The following ZNF787 variants were observed in gnomAD, a reference collection of about 807,000 sequenced individuals.
The protein encoded by ZNF787 is TTF-I-interacting peptide 20.
ZNF787 carries 7 observed loss-of-function variants against 16.9 expected under a neutral mutation model. That is an observed-to-expected ratio of 0.42 (90% CI 0.24 to 0.78). The LOEUF is 0.78. ZNF787 is among the 30% of genes least tolerant of loss of function. ZNF787 has a pLI of 0.30. For synonymous variants in ZNF787, 345 were observed against 270.9 expected (o/e 1.27, Z -2.69); for missense variants, 551 against 589.3 (o/e 0.94, Z 0.67).
chr19:56,092,044 AAG>A (rs1985620212), intron 2 of ZNF787, among the ~76,000 whole-genome samples: 2 of 128,834 alleles, frequency 1.6e-5, no homozygotes, highest in African/African-American at 2.9e-5. Flanking sequence ...GCCGAAGCCG[AAG>A]CCTCACCCTC....
intron 1 of ZNF787, among the ~76,000 whole-genome samples, chr19:56,110,980 C>A (rs1266226004): frequency 6.6e-6 from 1 of 152,218 alleles, no homozygotes; most frequent in Non-Finnish European, 1.5e-5. Flanking sequence ...GAGGGGCTGA[C>A]CCCGGGCGGG....
chr19:56,096,290 G>T (rs1985871132), intron 2 of ZNF787, among the ~76,000 whole-genome samples: 1 of 151,818 alleles, frequency 6.6e-6, no homozygotes, highest in Non-Finnish European at 1.5e-5. Flanking sequence ...GTGGTGGCGT[G>T]TGCCTGGAGT....
At chr19:56,092,493 GATAA>G (rs772212605) in intron 2 of ZNF787, among the ~76,000 whole-genome samples, 95 of 147,514 alleles carry the variant, frequency 6.4e-4, no homozygotes, top group Non-Finnish European at 1.1e-3. Context: ...CTCCACGGGA[GATAA>G]ATGTTTCTAG....
At chr19:56,097,941 A>T (rs1214273456) in intron 2 of ZNF787, among the ~76,000 whole-genome samples, 1 of 152,098 alleles carries the variant, frequency 6.6e-6, no homozygotes, top group East Asian at 1.9e-4. Flanking sequence ...GGGGGAGAAG[A>T]GGCATGGAGA....
chr19:56,112,912 C>A (rs2030023582), intron 1 of ZNF787, among the ~76,000 whole-genome samples: 1 of 133,154 alleles, frequency 7.5e-6, no homozygotes, highest in Admixed American at 7.6e-5. Context: ...ACGGAGGGCT[C>A]TGGCCCTTTC....
intron 1 of ZNF787, chr19:56,105,615 G>GGAA (rs1986273100): frequency 6.6e-6 from 1 of 152,112 alleles, no homozygotes; most frequent in Non-Finnish European, 1.5e-5. Context: ...GCTTCTCGGG[G>GGAA]GAAGCCTCCA....
At chr19:56,093,455 G>A (rs903873078) in intron 2 of ZNF787, among the ~76,000 whole-genome samples, 1 of 152,122 alleles carries the variant, frequency 6.6e-6, no homozygotes, top group East Asian at 1.9e-4. Flanking sequence ...GGACTGTGCT[G>A]CACGCACCGT....
At position 56,088,200 on chromosome 19, in the gene ZNF787, C is replaced by G; in HGVS notation, c.972G>C (p.Glu324Asp). Reference sequence around the variant, plus strand: ...GGAGCGCGGCGCCCTGCACGAAGCCCTCCCCGCACTCCACGCAGATGTGGG... The same window carrying G: ...GGAGCGCGGCGCCCTGCACGAAGCCGTCCCCGCACTCCACGCAGATGTGGG... ...EPAHICVECGEGFVQGAALRR... is the reference protein window; with the variant it reads ...EPAHICVECGDGFVQGAALRR... Residue 324 changes from glutamate (E) to aspartate (D), a missense_variant, in exon 3 of 3, where the codon GAG becomes GAC. Transcript: ENST00000610935. The surrounding 1 kb of genome is among the most constrained non-coding windows in gnomAD (Gnocchi z 8.6). The G allele has an allele frequency of 4.6e-6, 7 of 1,533,888 alleles. No homozygotes were observed. Among genetic ancestry groups the G allele is most frequent in the African/African-American group, 1.4e-5 (1 of 69,662 alleles).
chr19:56,108,809 C>G (rs1258582765), intron 1 of ZNF787, among the ~76,000 whole-genome samples: 1 of 152,186 alleles, frequency 6.6e-6, no homozygotes, highest in Non-Finnish European at 1.5e-5. Context: ...CGGACAGACC[C>G]CCGTGGGCTC....
chr19:56,106,449 A>G (rs1472453985), intron 1 of ZNF787, among the ~76,000 whole-genome samples: 1 of 152,242 alleles, frequency 6.6e-6, no homozygotes, highest in Non-Finnish European at 1.5e-5. Context: ...TCTGGGAAGG[A>G]GAAGCCTGCG....
At chr19:56,106,779 C>G (rs1178057134) in intron 1 of ZNF787, among the ~76,000 whole-genome samples, 5 of 152,250 alleles carry the variant, frequency 3.3e-5, no homozygotes, top group African/African-American at 1.2e-4. Flanking sequence ...CAGACCAGCA[C>G]GTGGGAACGG....
rs992396003 is a variant in ZNF787 at position 56,087,914 on chromosome 19, C to T, written c.*109G>A. On this transcript the variant is annotated 3_prime_UTR_variant, in exon 3 of 3. Transcript: ENST00000610935. The stretch of plus-strand genomic sequence containing the variant: ...GGAGGGCGGGGAGCCGGGGATGCCG[C>T]GGGGTCCATCGCACCCCGTCCGCTT... 2 of 1,278,208 alleles carry T rather than the reference C, an allele frequency of 1.6e-6. No homozygotes were observed. Among genetic ancestry groups the T allele is most frequent in the Non-Finnish European group, 2.0e-6 (2 of 1,012,740 alleles). 79.2% of individuals were successfully genotyped at this position (1,278,208 alleles called of 1,614,324 possible).
At position 56,102,912 on chromosome 19, in the gene ZNF787, G is replaced by T. The variant is rs979115338; in HGVS notation, c.79+227C>A. 2.6e-5 allele frequency: 18 copies of T among 705,454 alleles called. No homozygotes were observed. In the Admixed American group the frequency reaches 3.4e-4, roughly 13 times the overall value. 43.7% of individuals were successfully genotyped at this position (705,454 alleles called of 1,614,324 possible). A position where few individuals can be genotyped will look rare whatever the true frequency, so the allele number is the denominator to read the frequency against. ...CAGGCAGAGAAGGTGGCCCCCAGGG[G>T]TCCCCAAGATCATCCAGCAGAAAGG... On this transcript the variant is annotated intron_variant, in intron 2 of 2. Coordinates refer to ENST00000610935, the MANE Select transcript of ZNF787 (RefSeq NM_001002836.4).
intron 1 of ZNF787, among the ~76,000 whole-genome samples, chr19:56,119,236 T>G (rs960412307): frequency 1.3e-5 from 2 of 152,184 alleles, no homozygotes; most frequent in Non-Finnish European, 2.9e-5. Flanking sequence ...GCCAAGACCA[T>G]GTGTGACCTC....
intron 2 of ZNF787, among the ~76,000 whole-genome samples, chr19:56,097,116 C>A (rs368718523): frequency 2.6e-5 from 4 of 152,202 alleles, no homozygotes; most frequent in Admixed American, 1.3e-4. Flanking sequence ...CCCAGCTCCA[C>A]GGCCCAGGCA....
Position 56,088,425 on chromosome 19 carries a change from C to G in ZNF787, c.747G>C (p.Pro249=). Reference sequence around the variant, plus strand: ...CTGCCGCGGCCGCGGCCCCCTCGCCCGGCGCGCCCACCACGATGATGCCCT... The same window carrying G: ...CTGCCGCGGCCGCGGCCCCCTCGCCGGGCGCGCCCACCACGATGATGCCCT... ...DGEGIIVVGA[P]GEGAAAAAAM... Residue 249 remains proline (P), a synonymous_variant, in exon 3 of 3, where the codon CCG becomes CCC. Transcript: ENST00000610935. This position sits in a 1 kb window ranked among gnomAD's most constrained non-coding sequence, Gnocchi z 8.6. The G allele has an allele frequency of 9.4e-6, 11 of 1,168,858 alleles. No individual in the cohort carries two copies. Among genetic ancestry groups the G allele is most frequent in the Non-Finnish European group, 1.2e-5 (11 of 947,990 alleles). 72.4% of individuals were successfully genotyped at this position (1,168,858 alleles called of 1,614,324 possible). A position where few individuals can be genotyped will look rare whatever the true frequency, so the allele number is the denominator to read the frequency against.
chr19:56,120,116 G>A (rs1453143755), intron 1 of ZNF787, among the ~76,000 whole-genome samples: 1 of 152,154 alleles, frequency 6.6e-6, no homozygotes, highest in Non-Finnish European at 1.5e-5. Flanking sequence ...CGACTCTGTC[G>A]CCCGGGTCTC....
At chr19:56,115,316 CCT>C (rs1325237638) in intron 1 of ZNF787, among the ~76,000 whole-genome samples, 1 of 151,876 alleles carries the variant, frequency 6.6e-6, no homozygotes, top group Non-Finnish European at 1.5e-5. Flanking sequence ...GGCCCCTCTC[CCT>C]CTCTAGAGGC....
chr19:56,109,903 C>T (rs1247446670), intron 1 of ZNF787, among the ~76,000 whole-genome samples: 3 of 151,940 alleles, frequency 2.0e-5, no homozygotes, highest in Admixed American at 1.3e-4. Flanking sequence ...AAATAACATT[C>T]GTAAGCTTTT....
Sources: gnomAD v4.1 joint callset for allele counts (sites outside exome capture counted in the v4.1 genomes callset) on GRCh38, gnomAD v4.1.1 for gene constraint, Gnocchi (gnomAD v3.1) non-coding constraint, MANE v1.5 for transcripts, NCBI Gene and HGNC (gene_info 2026-07-23, HGNC 2026-07-21) for gene names.